Variants in ERBIN observed in about 807,000 individuals in gnomAD.
ERBIN encodes the protein densin-180-like protein.
In ERBIN, 60 loss-of-function variants were observed where a neutral mutation model predicts 158.4. The ratio of observed to expected loss-of-function variants is 0.38; its 90% CI spans 0.31 to 0.47. ERBIN has a LOEUF of 0.47. ERBIN is among the 20% of genes least tolerant of loss of function. The pLI, the probability that ERBIN is intolerant of heterozygous loss-of-function variation, is 0.99. For synonymous variants in ERBIN, 594 were observed against 557.2 expected (o/e 1.07, Z -0.93); for missense variants, 1,610 against 1,648.0 (o/e 0.98, Z 0.40).
intron 5 of ERBIN, among the ~76,000 whole-genome samples, chr5:66,013,080 T>G (rs1413374947): frequency 3.3e-5 from 5 of 152,304 alleles, no homozygotes; most frequent in African/African-American, 1.2e-4. Context: ...GCATCTAGTT[T>G]GTAGAGATCA....
At chr5:65,989,948 G>A (rs1387448996) in intron 2 of ERBIN, among the ~76,000 whole-genome samples, 1 of 152,130 alleles carries the variant, frequency 6.6e-6, no homozygotes, top group African/African-American at 2.4e-5. Context: ...GATCTCATAA[G>A]CACATAGGTA....
At chr5:66,007,644 G>C (rs1753758466) in intron 4 of ERBIN, among the ~76,000 whole-genome samples, 1 of 152,094 alleles carries the variant, frequency 6.6e-6, no homozygotes, top group Admixed American at 6.6e-5. Context: ...CACTACTAAT[G>C]GGGGAGAAGC....
intron 21 of ERBIN, among the ~76,000 whole-genome samples, chr5:66,058,256 T>C (rs1052344140): frequency 2.6e-5 from 4 of 151,590 alleles, no homozygotes; most frequent in Non-Finnish European, 5.9e-5. Flanking sequence ...ATCTATCTCA[T>C]TGTGGTTTTG....
At chr5:65,971,945 A>G (rs896604656) in intron 1 of ERBIN, among the ~76,000 whole-genome samples, 3 of 152,232 alleles carry the variant, frequency 2.0e-5, no homozygotes, top group African/African-American at 7.2e-5. Flanking sequence ...AGCTCTCACA[A>G]CAGGGCTTCT....
rs1759429855 is a variant in ERBIN at position 66,054,792 on chromosome 5, A to G, written c.3474A>G (p.Ser1158=). Residue 1158 remains serine, a synonymous_variant, in exon 21 of 26, where the codon TCA becomes TCG. Transcript: ENST00000284037. The part of the protein sequence containing the change: ...SINEIPERTM[S]VSDFNYSRTS... ...ATGAAATACCAGAGAGAACTATGTC[A>G]GTTAGTGATTTCAATTATTCACGGA... 1 of 1,614,026 alleles carries G rather than the reference A, an allele frequency of 6.2e-7. No individual in the cohort carries two copies. Among genetic ancestry groups the G allele is most frequent in the South Asian group, 1.1e-5 (1 of 91,082 alleles).
intron 1 of ERBIN, among the ~76,000 whole-genome samples, chr5:65,974,450 A>G (rs1580212939): frequency 6.6e-6 from 1 of 152,264 alleles, no homozygotes; most frequent in Admixed American, 6.5e-5. Flanking sequence ...ATAAAAGCTC[A>G]CGTCTCATCC....
chr5:66,033,907 A>C (rs1421365203), intron 14 of ERBIN, among the ~76,000 whole-genome samples: 1 of 152,094 alleles, frequency 6.6e-6, no homozygotes, highest in Non-Finnish European at 1.5e-5. Context: ...TCAGGAATTC[A>C]AGACCAGCCT....
chr5:66,061,883 C>T (rs1760415645), intron 21 of ERBIN, among the ~76,000 whole-genome samples: 1 of 152,258 alleles, frequency 6.6e-6, no homozygotes, highest in Non-Finnish European at 1.5e-5. Flanking sequence ...CCACTCTCTT[C>T]TGGCTTGTAG....
intron 1 of ERBIN, among the ~76,000 whole-genome samples, chr5:65,988,366 C>T (rs1490445327): frequency 6.7e-6 from 1 of 149,966 alleles, no homozygotes; most frequent in Admixed American, 6.6e-5. Flanking sequence ...GAGTGAGACC[C>T]AGTCTCTTAA....
intron 6 of ERBIN, among the ~76,000 whole-genome samples, chr5:66,014,295 T>G (rs988549663): frequency 2.6e-5 from 4 of 152,158 alleles, no homozygotes; most frequent in Non-Finnish European, 5.9e-5. Flanking sequence ...TTCTCCTCCT[T>G]CTTTTGTTTC....
intron 21 of ERBIN, among the ~76,000 whole-genome samples, chr5:66,062,779 G>T (rs149675235): frequency 6.6e-6 from 1 of 152,196 alleles, no homozygotes; most frequent in Non-Finnish European, 1.5e-5. Context: ...TCAGCTGCAG[G>T]TCTGTTGGAG....
rs1760379102 is a variant in ERBIN, at chr5:66,061,719, G to T, written c.3633+6768G>T. Among the ~76,000 whole-genome samples, 3 of 152,182 alleles carry T rather than the reference G, an allele frequency of 2.0e-5. No homozygotes were observed. The South Asian group carries it at 6.2e-4, about 31-fold the overall frequency. On this transcript the variant is annotated intron_variant, in intron 21 of 25. Transcript: ENST00000284037. ...TCCATGTTTAGTGCTTCCTTCAGGA[G>T]CTCTTTTAGGGCAGGCCTGGTGGTG...
intron 1 of ERBIN, among the ~76,000 whole-genome samples, chr5:65,930,918 C>G (rs1236295532): frequency 6.6e-6 from 1 of 152,200 alleles, no homozygotes; most frequent in East Asian, 1.9e-4. Context: ...TACTCTATCA[C>G]TCTATTTTTG....
chr5:65,970,597 ATTC>A (rs1033212302), intron 1 of ERBIN, among the ~76,000 whole-genome samples: 17 of 152,078 alleles, frequency 1.1e-4, no homozygotes, highest in Admixed American at 2.0e-4. Context: ...AACTTTTTAT[ATTC>A]TTTTTAAGAC....
At chr5:65,952,925 A>C (rs251303) in intron 1 of ERBIN, among the ~76,000 whole-genome samples, 111,652 of 152,102 alleles carry the variant, frequency 0.73, 42,739 homozygotes, top group Non-Finnish European at 0.86. Flanking sequence ...CTAATTTAAA[A>C]GTTATAAATC....
chr5:66,067,291 G>C (rs1354463665), intron 21 of ERBIN, among the ~76,000 whole-genome samples: 1 of 152,130 alleles, frequency 6.6e-6, no homozygotes, highest in Non-Finnish European at 1.5e-5. Flanking sequence ...ATGGAATCCT[G>C]TATTTCTTGG....
intron 1 of ERBIN, among the ~76,000 whole-genome samples, chr5:65,938,655 C>T (rs1165309410): frequency 2.6e-5 from 4 of 152,102 alleles, no homozygotes; most frequent in East Asian, 3.8e-4. Context: ...TGGGTTCAAG[C>T]GATTCTTCTG....
intron 1 of ERBIN, among the ~76,000 whole-genome samples, chr5:65,939,595 G>A (rs1182499951): frequency 6.6e-6 from 1 of 151,922 alleles, no homozygotes; most frequent in Non-Finnish European, 1.5e-5. Context: ...CACTGATGCC[G>A]AGCCGAAGCT....
intron 21 of ERBIN, among the ~76,000 whole-genome samples, chr5:66,069,453 A>G (rs1335354487): frequency 6.6e-6 from 1 of 152,254 alleles, no homozygotes; most frequent in South Asian, 2.1e-4. Context: ...ACTAATGTTA[A>G]TCATAATTCA....
Sources: gnomAD v4.1 joint callset for allele counts (sites outside exome capture counted in the v4.1 genomes callset) on GRCh38, gnomAD v4.1.1 for gene constraint, MANE v1.5 for transcripts, NCBI Gene and HGNC (gene_info 2026-07-23, HGNC 2026-07-21) for gene names.